The following SDC2 variants were observed in gnomAD, a reference collection of about 807,000 sequenced individuals.
The protein encoded by SDC2 is syndecan 2.
A neutral mutation model predicts 22.2 loss-of-function variants in SDC2; 13 were observed. The ratio of observed to expected loss-of-function variants is 0.59; its 90% CI spans 0.38 to 0.93. SDC2 has a LOEUF of 0.93. Among genes scored for constraint, SDC2 ranks in the 40% least tolerant of loss-of-function variants. SDC2 has a pLI of 0.00. For synonymous variants in SDC2, 94 were observed against 92.8 expected, an observed-to-expected ratio of 1.01 and a Z score of -0.07; for missense variants, 235 against 246.8, an observed-to-expected ratio of 0.95 and a Z score of 0.32.
rs570168193 is a variant in SDC2, at chr8:96,587,857, G to A, written c.61-5623G>A. Among the ~76,000 whole-genome samples, 41 of 152,196 alleles carry A rather than the reference G, an allele frequency of 2.7e-4. No individual in the cohort carries two copies. The South Asian group carries it at 8.5e-3, about 32-fold the overall frequency. ...TATTATGTGTGAATCACAGGAAAAGGGAGGGACGAGGTAGGCAGCATGTTG... is the reference window on the plus strand; with the variant it reads ...TATTATGTGTGAATCACAGGAAAAGAGAGGGACGAGGTAGGCAGCATGTTG... On this transcript the variant is annotated intron_variant, in intron 1 of 4. Coordinates refer to ENST00000302190, the MANE Select transcript of SDC2 (RefSeq NM_002998.4).
intron 1 of SDC2, among the ~76,000 whole-genome samples, chr8:96,514,596 C>G (rs1813374684): frequency 6.6e-6 from 1 of 152,078 alleles, no homozygotes; most frequent in Non-Finnish European, 1.5e-5. Flanking sequence ...GACTCTAGGT[C>G]CATGGTCCCC....
chr8:96,547,461 A>C (rs1813952444), intron 1 of SDC2, among the ~76,000 whole-genome samples: 1 of 152,218 alleles, frequency 6.6e-6, no homozygotes, highest in Admixed American at 6.5e-5. Context: ...TATTTATGGA[A>C]GAAGCCACTA....
intron 1 of SDC2, among the ~76,000 whole-genome samples, chr8:96,574,567 A>G (rs1814455181): frequency 6.6e-6 from 1 of 152,174 alleles, no homozygotes; most frequent in Non-Finnish European, 1.5e-5. Flanking sequence ...GTTACCAGGT[A>G]CAAAATCTCC....
chr8:96,568,743 T>C (rs1814341400), intron 1 of SDC2, among the ~76,000 whole-genome samples: 1 of 152,174 alleles, frequency 6.6e-6, no homozygotes, highest in South Asian at 2.1e-4. Context: ...ATTTTAGAAG[T>C]ATGGGTCTTT....
At chr8:96,517,744 CATAA>C (rs1425578795) in intron 1 of SDC2, among the ~76,000 whole-genome samples, 1 of 129,606 alleles carries the variant, frequency 7.7e-6, no homozygotes, top group Non-Finnish European at 1.7e-5. Flanking sequence ...TATGTGTGTG[CATAA>C]ATACACACGT....
At chr8:96,548,237 T>C (rs986134983) in intron 1 of SDC2, among the ~76,000 whole-genome samples, 1 of 152,188 alleles carries the variant, frequency 6.6e-6, no homozygotes, top group Non-Finnish European at 1.5e-5. Context: ...GAAATTAAAA[T>C]CAAAATGAAA....
At chr8:96,500,115 A>T (rs1298813249) in intron 1 of SDC2, among the ~76,000 whole-genome samples, 3 of 152,182 alleles carry the variant, frequency 2.0e-5, no homozygotes, top group Non-Finnish European at 4.4e-5. Context: ...ACTCAGTGTC[A>T]TCAGCATTGC....
intron 1 of SDC2, among the ~76,000 whole-genome samples, chr8:96,573,460 G>A (rs554179452): frequency 4.8e-5 from 7 of 146,330 alleles, no homozygotes; most frequent in East Asian, 4.0e-4. Flanking sequence ...TACCTGCGGC[G>A]TTGGATGCTG....
rs1248957830 is a variant in SDC2, at chr8:96,500,301, G to A, written c.60+5970G>A. Among the ~76,000 whole-genome samples the A allele has an allele frequency of 2.0e-5, 3 of 152,164 alleles. No homozygotes were observed. The East Asian group carries it at 5.8e-4, about 29-fold the overall frequency. On this transcript the variant is annotated intron_variant, in intron 1 of 4. Transcript: ENST00000302190. ...GTATGCCGTTGGTCATTTAGAATGA[G>A]GTGGCAGGGGTAGTGAGTATATTTT...
intron 1 of SDC2, among the ~76,000 whole-genome samples, chr8:96,568,290 A>G (rs1211226985): frequency 6.6e-6 from 1 of 152,248 alleles, no homozygotes; most frequent in Non-Finnish European, 1.5e-5. Flanking sequence ...GTAATGAGTA[A>G]GATTGTTGGC....
chr8:96,495,618 A>C (rs1310598178), intron 1 of SDC2, among the ~76,000 whole-genome samples: 1 of 152,222 alleles, frequency 6.6e-6, no homozygotes. Flanking sequence ...CTTTTCAAAG[A>C]CAAATTATAT....
chr8:96,525,785 T>C (rs1813568436), intron 1 of SDC2, among the ~76,000 whole-genome samples: 1 of 152,140 alleles, frequency 6.6e-6, no homozygotes, highest in South Asian at 2.1e-4. Context: ...TCTCAGTTTC[T>C]CCACATATAA....
At chr8:96,558,351 G>A (rs1050886680) in intron 1 of SDC2, among the ~76,000 whole-genome samples, 2 of 152,076 alleles carry the variant, frequency 1.3e-5, no homozygotes, top group African/African-American at 4.8e-5. Context: ...TTTGTGGCGT[G>A]CAGCTGATAG....
chr8:96,500,073 C>G (rs1373853986), intron 1 of SDC2, among the ~76,000 whole-genome samples: 1 of 152,174 alleles, frequency 6.6e-6, no homozygotes, highest in African/African-American at 2.4e-5. Flanking sequence ...CCCAGTGGAC[C>G]TGGGCTAGTT....
At chr8:96,574,482 G>T (rs981948256) in intron 1 of SDC2, among the ~76,000 whole-genome samples, 1 of 152,174 alleles carries the variant, frequency 6.6e-6, no homozygotes, top group Admixed American at 6.5e-5. Flanking sequence ...AACCACAATT[G>T]CTTCCTAAAT....
chr8:96,598,310 AG>A (rs1563676507), intron 2 of SDC2, among the ~76,000 whole-genome samples: 1 of 152,170 alleles, frequency 6.6e-6, no homozygotes, highest in African/African-American at 2.4e-5. Flanking sequence ...CATAAGTAAA[AG>A]AAAATGTTAT....
intron 1 of SDC2, 105 bp downstream of exon 1, chr8:96,494,436 CA>C: frequency 9.7e-7 from 1 of 1,032,632 alleles, no homozygotes; most frequent in Non-Finnish European, 1.4e-6. Context: ...CCCCAGTCCC[CA>C]AGTATACACC....
intron 2 of SDC2, among the ~76,000 whole-genome samples, chr8:96,601,764 T>C (rs1814991601): frequency 1.3e-5 from 2 of 152,036 alleles, no homozygotes; most frequent in South Asian, 4.1e-4. Context: ...TGTGGGTTTT[T>C]TTAATTTTTA....
chr8:96,530,791 C>T (rs880078), intron 1 of SDC2, among the ~76,000 whole-genome samples: 34,838 of 152,064 alleles, frequency 0.23, 4,883 homozygotes, highest in African/African-American at 0.4. Context: ...AGCACTGTGC[C>T]CTACATTGCA....
Sources: gnomAD v4.1 joint callset for allele counts (sites outside exome capture counted in the v4.1 genomes callset) on GRCh38, gnomAD v4.1.1 for gene constraint, MANE v1.5 for transcripts, NCBI Gene and HGNC (gene_info 2026-07-23, HGNC 2026-07-21) for gene names.